Variants in NCOA7 observed in about 807,000 individuals in gnomAD.
NCOA7 encodes 140 kDa estrogen receptor-associated protein.
In NCOA7, 45 loss-of-function variants were observed where a neutral mutation model predicts 104.3. The observed-to-expected ratio is 0.43, with a 90% confidence interval of 0.34 to 0.55. The LOEUF is 0.55. NCOA7 is among the 20% of genes least tolerant of loss of function. NCOA7 has a pLI of 0.02. For missense variants in NCOA7, 1,041 were observed against 1,119.7 expected (o/e 0.93, Z 1.00); for synonymous variants, 398 against 402.3 (o/e 0.99, Z 0.13).
At chr6:125,790,553 G>A (rs1441696489), upstream of NCOA7, among the ~76,000 whole-genome samples, 1 of 152,104 alleles carries the variant, frequency 6.6e-6, no homozygotes, top group Non-Finnish European at 1.5e-5. Context: ...GGGGTGCCCA[G>A]CCTCCCAGCT....
At chr6:125,917,860 A>G (rs779783938) in intron 11 of NCOA7, among the ~76,000 whole-genome samples, 3 of 152,268 alleles carry the variant, frequency 2.0e-5, no homozygotes, top group Admixed American at 6.5e-5. Context: ...GAGAGGGTAG[A>G]GGAACCCTCA....
At chr6:125,907,045 A>G (rs1408896272) in intron 10 of NCOA7, among the ~76,000 whole-genome samples, 5 of 152,190 alleles carry the variant, frequency 3.3e-5, no homozygotes, top group African/African-American at 1.2e-4. Context: ...TAAGTAAGCA[A>G]ATTGATTCTA....
Position 125,928,759 on chromosome 6 carries a change from G to C in NCOA7, c.2817G>C (p.Trp939Cys), listed in dbSNP as rs912876555. Residue 939 changes from tryptophan to cysteine, a missense_variant, in exon 16 of 16, where the codon TGG (tryptophan) becomes TGC (cysteine). Trp to Cys is a radical substitution (Grantham distance 215). Coordinates refer to ENST00000392477, the MANE Select transcript of NCOA7 (RefSeq NM_181782.5). ...EDFIVQDLEV[W>C]AFD Reference sequence around the variant, plus strand: ...TCATAGTTCAGGATCTGGAGGTGTGGGCATTTGATTGAAATTCAGACTGCC... The same window carrying C: ...TCATAGTTCAGGATCTGGAGGTGTGCGCATTTGATTGAAATTCAGACTGCC... 3.1e-6 allele frequency: 5 copies of C among 1,611,088 alleles called. No individual in the cohort carries two copies. Among genetic ancestry groups the C allele is most frequent in the Non-Finnish European group, 4.2e-6 (5 of 1,179,080 alleles).
At chr6:125,894,259 A>AGT (rs928730110) in intron 10 of NCOA7, among the ~76,000 whole-genome samples, 14 of 152,188 alleles carry the variant, frequency 9.2e-5, no homozygotes, top group African/African-American at 2.9e-4. Flanking sequence ...GGTAAACCAA[A>AGT]GTATCTCCAG....
chr6:125,799,508 C>T (rs375722468), intron 1 of NCOA7, among the ~76,000 whole-genome samples: 5 of 150,818 alleles, frequency 3.3e-5, no homozygotes, highest in South Asian at 4.2e-4. Context: ...GGCGCTATCT[C>T]GGCTCACTGC....
At position 125,913,540 on chromosome 6, in the gene NCOA7, C is replaced by T. The variant is rs192215692; in HGVS notation, c.2097-1793C>T. 891 of 584,476 alleles carry T rather than the reference C, an allele frequency of 1.5e-3. 4 individuals are homozygous for T. Among genetic ancestry groups the T allele is most frequent in the Non-Finnish European group, 1.3e-3 (625 of 463,844 alleles). 36.2% of individuals were successfully genotyped at this position (584,476 alleles called of 1,614,324 possible). A position where few individuals can be genotyped will look rare whatever the true frequency, so the allele number is the denominator to read the frequency against. On this transcript the variant is annotated intron_variant, in intron 10 of 15. Coordinates refer to ENST00000392477, the MANE Select transcript of NCOA7 (RefSeq NM_181782.5). ...GAAACATAACCATCATACCCATGTA[C>T]AATCATAGTATCTATCAATATCTAT...
At chr6:125,855,598 A>C (rs1781482454) in intron 3 of NCOA7, 2 of 155,566 alleles carry the variant, frequency 1.3e-5, no homozygotes, top group African/African-American at 4.8e-5. Flanking sequence ...TTTGCTAGAC[A>C]GTAGAAAATG....
rs1786590708 is a variant in NCOA7, at chr6:125,911,841, C to T, written c.2097-3492C>T. On this transcript the variant is annotated intron_variant, in intron 10 of 15. Transcript: ENST00000392477. ...GGGATCCATGCTCCCGTTCCATGGTCGTACACATCTTGAGGGCATCCACAC... is the reference window on the plus strand; with the variant it reads ...GGGATCCATGCTCCCGTTCCATGGTTGTACACATCTTGAGGGCATCCACAC... Among the ~76,000 whole-genome samples, 5 of 152,128 alleles carry T rather than the reference C, an allele frequency of 3.3e-5. No individual in the cohort carries two copies. In the South Asian group the frequency reaches 6.2e-4, roughly 19 times the overall value.
chr6:125,869,648 C>T (rs928764254), intron 3 of NCOA7, among the ~76,000 whole-genome samples: 8 of 152,222 alleles, frequency 5.3e-5, no homozygotes, highest in African/African-American at 1.9e-4. Flanking sequence ...GGAGAGAGCA[C>T]GTGAGACTAC....
chr6:125,877,005 A>G (rs1374054134), intron 4 of NCOA7, among the ~76,000 whole-genome samples: 1 of 152,256 alleles, frequency 6.6e-6, no homozygotes, highest in Non-Finnish European at 1.5e-5. Flanking sequence ...CAATATGAAT[A>G]TAGTATACAA....
upstream of NCOA7, among the ~76,000 whole-genome samples, chr6:125,790,601 A>C (rs1217178767): frequency 3.3e-5 from 4 of 121,808 alleles, no homozygotes; most frequent in Non-Finnish European, 5.2e-5. Flanking sequence ...CCGCAACTGC[A>C]GTCCGAGCGG....
At position 125,840,868 on chromosome 6, in the gene NCOA7, G is replaced by GTTTTTTTTTTTTTTTTTTTTTTTT. The variant is rs57168444; in HGVS notation, c.51-14133_51-14110dup. On this transcript the variant is annotated intron_variant, in intron 2 of 15. Transcript: ENST00000392477. ...TTTTATGGTTTTTTTTGTTTGGTTG[G>GTTTTTTTTTTTTTTTTTTTTTTTT]TTTTTTTTTTTTTTTTTTTTTTTTT... 5.2e-4 allele frequency among the ~76,000 whole-genome samples: 21 copies of GTTTTTTTTTTTTTTTTTTTTTTTT among 40,376 alleles called. 5 individuals are homozygous for GTTTTTTTTTTTTTTTTTTTTTTTT. The highest frequency in any genetic ancestry group is 1.8e-3 in the Admixed American group (4 of 2,264). The allele number at this position is 40,376 out of a possible 152,430, so 26.5% of individuals were successfully genotyped here. A position where few individuals can be genotyped will look rare whatever the true frequency, so the allele number is the denominator to read the frequency against.
Position 125,854,618 on chromosome 6 carries a change from C to T in NCOA7, c.51-402C>T, listed in dbSNP as rs139351569. On this transcript the variant is annotated intron_variant, in intron 2 of 15. Transcript: ENST00000392477. ...TGTTTTTACAAATGTGCTTGCCCAT[C>T]AGTCAAAAGTACCACTGAAACCAGA... Among the ~76,000 whole-genome samples the T allele has an allele frequency of 1.7e-3, 252 of 152,338 alleles. 1 individual carries two copies. The highest frequency in any genetic ancestry group is 5.8e-3 in the African/African-American group (243 of 41,580).
At chr6:125,860,649 G>A (rs868595878) in intron 3 of NCOA7, among the ~76,000 whole-genome samples, 2 of 151,946 alleles carry the variant, frequency 1.3e-5, no homozygotes, top group South Asian at 4.2e-4. Context: ...CACCCCGCCC[G>A]GATCCTTTTA....
At chr6:125,892,165 T>C (rs1784667512) in intron 10 of NCOA7, among the ~76,000 whole-genome samples, 1 of 152,222 alleles carries the variant, frequency 6.6e-6, no homozygotes, top group Non-Finnish European at 1.5e-5. Context: ...TCAGAAAAAC[T>C]ACCTATCATA....
chr6:125,854,916 G>A lies in NCOA7; in HGVS notation c.51-104G>A, dbSNP rs186708987. On this transcript the variant is annotated intron_variant, in intron 2 of 15. Coordinates refer to ENST00000392477, the MANE Select transcript of NCOA7 (RefSeq NM_181782.5). ...CCATATTATAAGGAAAGTGTTTTCT[G>A]TATCAGTTCATTAGTTTTCAAAGTC... The A allele has an allele frequency of 4.4e-5, 31 of 706,472 alleles. No homozygotes were observed. In the African/African-American group the frequency reaches 4.7e-4, roughly 11 times the overall value. 43.8% of individuals were successfully genotyped at this position (706,472 alleles called of 1,614,324 possible).
chr6:125,798,615 T>G (rs111525027), intron 1 of NCOA7, among the ~76,000 whole-genome samples: 5,438 of 152,264 alleles, frequency 0.036, 291 homozygotes, highest in African/African-American at 0.12. Flanking sequence ...TGGGAGATGT[T>G]TATAATAACT....
At chr6:125,806,085 A>G (rs1776421419) in intron 1 of NCOA7, among the ~76,000 whole-genome samples, 1 of 152,330 alleles carries the variant, frequency 6.6e-6, no homozygotes, top group Middle Eastern at 3.4e-3. Context: ...TCACACCTGT[A>G]ATCCCAGCAC....
intron 1 of NCOA7, among the ~76,000 whole-genome samples, chr6:125,782,253 C>T (rs1233709306): frequency 2.0e-5 from 3 of 152,102 alleles, no homozygotes; most frequent in African/African-American, 4.8e-5. Flanking sequence ...TTCTATCTTA[C>T]AGTACTGTTC....
Sources: allele counts gnomAD v4.1 joint callset (sites outside exome capture counted in the v4.1 genomes callset), GRCh38; gene constraint gnomAD v4.1.1; transcripts MANE v1.5; gene names NCBI Gene and HGNC (gene_info 2026-07-23, HGNC 2026-07-21).